Variants in DLG2 observed in about 807,000 individuals in gnomAD.
The protein encoded by DLG2 is discs large MAGUK scaffold protein 2.
A neutral mutation model predicts 132.5 loss-of-function variants in DLG2; 45 were observed. The ratio of observed to expected loss-of-function variants is 0.34; its 90% CI spans 0.27 to 0.44. DLG2 has a LOEUF of 0.44. Ranked by LOEUF, DLG2 falls within the 20% of genes least tolerant of loss-of-function variation. The pLI, the probability that DLG2 is intolerant of heterozygous loss-of-function variation, is 1.00. For missense variants in DLG2, 1,045 were observed against 1,196.9 expected (o/e 0.87, Z 1.87); for synonymous variants, 424 against 419.6 (o/e 1.01, Z -0.13).
chr11:83,471,087 G>A (rs1591390740), intron 24 of DLG2, among the ~76,000 whole-genome samples: 1 of 152,142 alleles, frequency 6.6e-6, no homozygotes, highest in Non-Finnish European at 1.5e-5. Context: ...TGAGAAGAAA[G>A]TAGTTTAAAG....
At chr11:84,541,166 T>A (rs187084305) in intron 6 of DLG2, among the ~76,000 whole-genome samples, 1 of 150,736 alleles carries the variant, frequency 6.6e-6, no homozygotes, top group Non-Finnish European at 1.5e-5. Flanking sequence ...GTTGTGCACA[T>A]GTACCCTAGA....
intron 17 of DLG2, chr11:83,790,315 G>A (rs2041198970): frequency 1.1e-6 from 1 of 899,418 alleles, no homozygotes; most frequent in East Asian, 2.4e-5. Context: ...GGGAGCGAAA[G>A]CTCAAGCTTA....
At chr11:84,456,654 A>G (rs1367533) in intron 7 of DLG2, among the ~76,000 whole-genome samples, 11,811 of 151,460 alleles carry the variant, frequency 0.078, 491 homozygotes, top group South Asian at 0.16. Flanking sequence ...AGTCTTCACT[A>G]AAGTGACACA....
In DLG2 at chr11:85,603,161, T is replaced by A. The variant is rs182737311; in HGVS notation, c.-92-4373A>T. Among the ~76,000 whole-genome samples, 201 of 152,336 alleles carry A rather than the reference T, an allele frequency of 1.3e-3. 1 individual carries two copies. The highest frequency in any genetic ancestry group is 4.8e-3 in the African/African-American group (199 of 41,572). On this transcript the variant is annotated intron_variant, in intron 2 of 27. Coordinates refer to ENST00000376104, the MANE Select transcript of DLG2 (RefSeq NM_001142699.3). ...CTAATATATTTGCATAAACTTTAAT[T>A]TTTAAAAATGATTTCACACTTTACT...
At chr11:85,012,051 G>A (rs1425587780) in intron 6 of DLG2, among the ~76,000 whole-genome samples, 2 of 152,104 alleles carry the variant, frequency 1.3e-5, no homozygotes, top group African/African-American at 4.8e-5. Flanking sequence ...GCCAGGTGCA[G>A]TGGCTCATGC....
rs559829624 is a variant in DLG2, at chr11:85,095,110, A to C, written c.357+16551T>G. On this transcript the variant is annotated intron_variant, in intron 6 of 27. Coordinates refer to ENST00000376104, the MANE Select transcript of DLG2 (RefSeq NM_001142699.3). ...TTTTATCAGTGAAGTTCTTGATCCT[A>C]TATGGGCACATTTTATGACACCCCA... Among the ~76,000 whole-genome samples, 23 of 152,322 alleles carry C rather than the reference A, an allele frequency of 1.5e-4. 1 individual carries two copies. Among genetic ancestry groups the C allele is most frequent in the African/African-American group, 5.3e-4 (22 of 41,584 alleles).
intron 11 of DLG2, among the ~76,000 whole-genome samples, chr11:83,983,057 G>A (rs2092935637): frequency 1.3e-5 from 2 of 152,038 alleles, no homozygotes; most frequent in South Asian, 4.1e-4. Context: ...ATTGTCTAAT[G>A]ATGTATTTCT....
chr11:84,381,410 T>G (rs112799208), intron 7 of DLG2, among the ~76,000 whole-genome samples: 272 of 152,204 alleles, frequency 1.8e-3, no homozygotes, highest in African/African-American at 6.3e-3. Flanking sequence ...TTAGGCAATC[T>G]CATTGTACTC....
At chr11:85,076,317 A>G (rs1054797821) in intron 6 of DLG2, among the ~76,000 whole-genome samples, 1 of 152,012 alleles carries the variant, frequency 6.6e-6, no homozygotes, top group African/African-American at 2.4e-5. Context: ...CATGAGATCA[A>G]AACCATTTAA....
At chr11:85,065,964 A>G (rs1470804403) in intron 6 of DLG2, among the ~76,000 whole-genome samples, 1 of 151,682 alleles carries the variant, frequency 6.6e-6, no homozygotes, top group East Asian at 1.9e-4. Flanking sequence ...TAAAGATCAG[A>G]GCAGAACTAA....
chr11:83,456,157 A>C lies in DLG2; in HGVS notation c.*3661T>G, dbSNP rs1394394890. The C allele has an allele frequency of 6.5e-6, 1 of 152,720 alleles. No homozygotes were observed. Among genetic ancestry groups the C allele is most frequent in the Admixed American group, 6.5e-5 (1 of 15,284 alleles). 9.5% of individuals were successfully genotyped at this position (152,720 alleles called of 1,614,324 possible). Reference sequence around the variant, plus strand: ...ATAATTGGGGCCAGAGTCTGCCTTTATTGAAAGAAAATGTCCTCAGAGCCA... The same window carrying C: ...ATAATTGGGGCCAGAGTCTGCCTTTCTTGAAAGAAAATGTCCTCAGAGCCA... On this transcript the variant is annotated 3_prime_UTR_variant, in exon 28 of 28. Transcript: ENST00000376104.
chr11:84,504,811 T>A (rs1157019677), intron 7 of DLG2, among the ~76,000 whole-genome samples: 2 of 109,546 alleles, frequency 1.8e-5, no homozygotes, highest in African/African-American at 4.4e-5. Flanking sequence ...TGACTCCATG[T>A]TTTAGCAGCA....
chr11:83,642,250 A>G (rs2066790098), intron 18 of DLG2, among the ~76,000 whole-genome samples: 1 of 152,232 alleles, frequency 6.6e-6, no homozygotes, highest in South Asian at 2.1e-4. Context: ...AGTTAAATGA[A>G]GAGTTCTGAT....
intron 21 of DLG2, among the ~76,000 whole-genome samples, chr11:83,506,601 C>G (rs2094714870): frequency 6.6e-6 from 1 of 152,146 alleles, no homozygotes; most frequent in Admixed American, 6.5e-5. Context: ...ACATTTGCCT[C>G]AGGCAGCACA....
chr11:85,001,778 G>A (rs2058233920), intron 6 of DLG2, among the ~76,000 whole-genome samples: 1 of 152,152 alleles, frequency 6.6e-6, no homozygotes, highest in South Asian at 2.1e-4. Context: ...ATAACGATGT[G>A]TCAATATAGG....
intron 21 of DLG2, among the ~76,000 whole-genome samples, chr11:83,530,084 G>A (rs564866911): frequency 6.8e-6 from 1 of 147,588 alleles, no homozygotes; most frequent in African/African-American, 2.7e-5. Flanking sequence ...AACTCTATCT[G>A]TCTGTCTGTC....
At chr11:85,578,799 A>G (rs1357415861) in intron 3 of DLG2, among the ~76,000 whole-genome samples, 1 of 152,170 alleles carries the variant, frequency 6.6e-6, no homozygotes, top group African/African-American at 2.4e-5. Context: ...TAAATTAGTT[A>G]AACCATCATG....
chr11:84,927,865 A>G (rs1018583179), intron 6 of DLG2, among the ~76,000 whole-genome samples: 2 of 151,914 alleles, frequency 1.3e-5, no homozygotes, highest in Admixed American at 6.6e-5. Flanking sequence ...TATGTTAGGA[A>G]TTTGTTAGAA....
chr11:84,435,190 T>C (rs538953024), intron 7 of DLG2, among the ~76,000 whole-genome samples: 32 of 152,282 alleles, frequency 2.1e-4, no homozygotes, highest in African/African-American at 7.2e-4. Context: ...TAGGAATACA[T>C]TATGTAAATT....
Sources: gnomAD v4.1 joint callset for allele counts (sites outside exome capture counted in the v4.1 genomes callset) on GRCh38, gnomAD v4.1.1 for gene constraint, MANE v1.5 for transcripts, NCBI Gene and HGNC (gene_info 2026-07-23, HGNC 2026-07-21) for gene names.